The following CAST variants were observed in gnomAD, a reference collection of about 807,000 sequenced individuals.
CAST encodes the protein MIR583 host.
CAST carries 76 observed loss-of-function variants against 119.6 expected under a neutral mutation model. The ratio of observed to expected loss-of-function variants is 0.64; its 90% CI spans 0.53 to 0.77. The LOEUF is 0.77. Ranked by LOEUF, CAST falls within the 30% of genes least tolerant of loss-of-function variation. The pLI, the probability that CAST is intolerant of heterozygous loss-of-function variation, is 0.00. For missense variants in CAST, 953 were observed against 946.5 expected, an observed-to-expected ratio of 1.01 and a Z score of -0.09; for synonymous variants, 319 against 331.6, an observed-to-expected ratio of 0.96 and a Z score of 0.41.
chr5:96,641,038 A>G (rs1437344661), intron 1 of CAST, among the ~76,000 whole-genome samples: 1 of 152,226 alleles, frequency 6.6e-6, no homozygotes, highest in African/African-American at 2.4e-5. Context: ...TCAAATTTCT[A>G]CATAACAGAA....
At chr5:96,704,746 A>G (rs1754592201) in intron 3 of CAST, among the ~76,000 whole-genome samples, 1 of 152,212 alleles carries the variant, frequency 6.6e-6, no homozygotes, top group South Asian at 2.1e-4. Context: ...AACATATCGC[A>G]TAGTTTTTCT....
At chr5:96,458,230 A>G in the CAST span, among the ~76,000 whole-genome samples, 1 of 152,248 alleles carries the variant, frequency 6.6e-6, no homozygotes, top group Non-Finnish European at 1.5e-5. Flanking sequence ...TTCAATGTTC[A>G]TAATGAAATT....
chr5:96,768,273 G>A (rs1770779575), intron 29 of CAST: 1 of 426,178 alleles, frequency 2.3e-6, no homozygotes, highest in Admixed American at 3.6e-5. Context: ...TTTGTAGAGA[G>A]GGGGTTTCGC....
the CAST span, among the ~76,000 whole-genome samples, chr5:95,977,014 A>G: frequency 6.6e-5 from 10 of 152,172 alleles, 1 homozygote; most frequent in South Asian, 1.0e-3. Context: ...ACTCAGTAGC[A>G]TGATGATGAT....
chr5:96,543,965 G>A (rs1393160907), intron 1 of CAST, among the ~76,000 whole-genome samples: 1 of 152,184 alleles, frequency 6.6e-6, no homozygotes, highest in Non-Finnish European at 1.5e-5. Flanking sequence ...CTTGGTCACT[G>A]TAGCTTTACA....
chr5:96,073,788 C>T, the CAST span, among the ~76,000 whole-genome samples: 1 of 152,178 alleles, frequency 6.6e-6, no homozygotes, highest in East Asian at 1.9e-4. Flanking sequence ...GCTGTGCGAC[C>T]CTGTTCCTAA....
chr5:96,109,710 T>C, the CAST span, among the ~76,000 whole-genome samples: 1 of 152,186 alleles, frequency 6.6e-6, no homozygotes, highest in Non-Finnish European at 1.5e-5. Context: ...CAAAGTTGTC[T>C]GGTGGGTGGA....
the CAST span, among the ~76,000 whole-genome samples, chr5:96,192,096 A>G: frequency 6.6e-6 from 1 of 152,300 alleles, no homozygotes; most frequent in Non-Finnish European, 1.5e-5. Flanking sequence ...GAGAAAACAT[A>G]TAACTAAGGA....
chr5:96,380,778 A>C, the CAST span, among the ~76,000 whole-genome samples: 2 of 152,188 alleles, frequency 1.3e-5, no homozygotes, highest in Non-Finnish European at 2.9e-5. Context: ...TTATTGTATG[A>C]TGAAATGTGT....
the CAST span, among the ~76,000 whole-genome samples, chr5:96,464,166 C>A: frequency 6.6e-6 from 1 of 151,894 alleles, no homozygotes; most frequent in Non-Finnish European, 1.5e-5. Context: ...TGTGAACACA[C>A]TTTTACTGAC....
chr5:96,762,261 T>G lies in CAST; in HGVS notation c.1834-13T>G, dbSNP rs772755063. On this transcript the variant is annotated splice_polypyrimidine_tract_variant and intron_variant, in intron 24 of 31. Transcript: ENST00000675179. Reference sequence around the variant, plus strand: ...ATACAACATGTTACTAATAAAATTTTTTTCAATAAAAGAAATTTGAAGATG... The same window carrying G: ...ATACAACATGTTACTAATAAAATTTGTTTCAATAAAAGAAATTTGAAGATG... 1 of 1,586,140 alleles carries G rather than the reference T, an allele frequency of 6.3e-7. No homozygotes were observed.
the CAST span, among the ~76,000 whole-genome samples, chr5:96,086,656 T>C: frequency 8.6e-6 from 1 of 116,650 alleles, no homozygotes; most frequent in East Asian, 2.3e-4. Flanking sequence ...TTTGACACCA[T>C]TCTTTTGGTC....
At chr5:96,689,984 T>C (rs1394931724) in intron 2 of CAST, among the ~76,000 whole-genome samples, 1 of 152,178 alleles carries the variant, frequency 6.6e-6, no homozygotes, top group African/African-American at 2.4e-5. Flanking sequence ...GATGAGGCTC[T>C]GAGGGAAGCA....
chr5:96,132,855 T>G, the CAST span, among the ~76,000 whole-genome samples: 4 of 152,304 alleles, frequency 2.6e-5, no homozygotes, highest in African/African-American at 7.2e-5. Flanking sequence ...TGAGCAATCT[T>G]GAAGCATATC....
At chr5:96,734,954 T>C (rs1232179786) in intron 9 of CAST, among the ~76,000 whole-genome samples, 2 of 149,816 alleles carry the variant, frequency 1.3e-5, no homozygotes, top group Non-Finnish European at 3.0e-5. Flanking sequence ...AATAGAAAGA[T>C]AGTGGGGAGA....
At chr5:96,210,885 T>C in the CAST span, among the ~76,000 whole-genome samples, 4 of 152,024 alleles carry the variant, frequency 2.6e-5, no homozygotes, top group African/African-American at 9.6e-5. Context: ...ACATAAATAC[T>C]GTTTATGTTT....
At chr5:96,475,259 C>T in the CAST span, among the ~76,000 whole-genome samples, 2 of 152,210 alleles carry the variant, frequency 1.3e-5, no homozygotes, top group Admixed American at 6.5e-5. Context: ...GAGATCATGC[C>T]TTCCTGGCTT....
chr5:96,477,669 T>C, the CAST span, among the ~76,000 whole-genome samples: 1 of 152,256 alleles, frequency 6.6e-6, no homozygotes, highest in Non-Finnish European at 1.5e-5. Context: ...GTCCTTTTTC[T>C]CTACTCATCA....
chr5:96,448,857 T>C, the CAST span, among the ~76,000 whole-genome samples: 1 of 152,172 alleles, frequency 6.6e-6, no homozygotes, highest in Non-Finnish European at 1.5e-5. Context: ...ATGCAACCAT[T>C]CCCCAGACCT....
Sources: gnomAD v4.1 joint callset for allele counts (sites outside exome capture counted in the v4.1 genomes callset) on GRCh38, gnomAD v4.1.1 for gene constraint, MANE v1.5 for transcripts, NCBI Gene and HGNC (gene_info 2026-07-23, HGNC 2026-07-21) for gene names.